Variants in ZFP82 observed in about 807,000 individuals in gnomAD.
ZFP82 encodes ZFP82 zinc finger protein, also known as zinc finger protein 82 homolog.
ZFP82 carries 30 observed loss-of-function variants against 54.0 expected under a neutral mutation model. That is an observed-to-expected ratio of 0.56 (90% confidence interval 0.42 to 0.75). The LOEUF (loss-of-function observed/expected upper bound fraction) is 0.75. Ranked by LOEUF, ZFP82 falls within the 30% of genes least tolerant of loss-of-function variation. ZFP82 has a pLI of 0.00. For missense variants in ZFP82, 500 were observed against 636.8 expected (o/e 0.79, Z 2.31); for synonymous variants, 194 against 209.5 (o/e 0.93, Z 0.64).
rs117804092 is a variant in ZFP82, at chr19:36,407,451, T to C, written c.136+436A>G. Reference sequence around the variant, plus strand: ...TATTAATGAAGGGAATGAGTTCTCTTGAATTGTAAATACATGCTGTTGATC... The same window carrying C: ...TATTAATGAAGGGAATGAGTTCTCTCGAATTGTAAATACATGCTGTTGATC... On this transcript the variant is annotated intron_variant, in intron 3 of 4. Transcript: ENST00000392161. Among the ~76,000 whole-genome samples, 949 of 152,324 alleles carry C rather than the reference T, an allele frequency of 6.2e-3. 3 individuals are homozygous for C. The highest frequency in any genetic ancestry group is 0.01 in the Non-Finnish European group (704 of 68,030).
chr19:36,406,256 T>C (rs1464990263), intron 3 of ZFP82, among the ~76,000 whole-genome samples: 9 of 152,218 alleles, frequency 5.9e-5, no homozygotes, highest in African/African-American at 1.9e-4. Flanking sequence ...TGCTGCAATA[T>C]AATTTATATA....
chr19:36,393,256 C>T lies in ZFP82; in HGVS notation c.1084G>A (p.Gly362Ser). 1 of 1,613,966 alleles carries T rather than the reference C, an allele frequency of 6.2e-7. No individual in the cohort carries two copies. The highest frequency in any genetic ancestry group is 1.1e-5 in the South Asian group (1 of 91,072). Residue 362 changes from glycine (G) to serine (S), a missense_variant, in exon 5 of 5, where the codon GGT becomes AGT. By Grantham distance (56) the Gly-to-Ser change is moderately conservative. Transcript: ENST00000392161. ...TCCTTACATTCATAGGGTTTCTCAC[C>T]AGTATGAATTCTCTGATGGAGTGTT... ...QLTLHQRIHT[G>S]EKPYECKECG...
chr19:36,391,763 G>C lies in ZFP82; in HGVS notation c.*978C>G, dbSNP rs2032203253. 6.6e-6 allele frequency: 1 copy of C among 151,988 alleles called. No individual in the cohort carries two copies. Among genetic ancestry groups the C allele is most frequent in the Admixed American group, 6.6e-5 (1 of 15,264 alleles). The allele number at this position is 151,988 out of a possible 1,614,324, so 9.4% of individuals were successfully genotyped here. On this transcript the variant is annotated 3_prime_UTR_variant, in exon 5 of 5. Coordinates refer to ENST00000392161, the MANE Select transcript of ZFP82 (RefSeq NM_133466.4). ...TTTACAGGCATGGGCCACCTCACCT[G>C]GTCTAGGGTATCTGTTTTTTAATGA...
downstream of ZFP82, among the ~76,000 whole-genome samples, chr19:36,387,145 A>G (rs2032124636): frequency 6.6e-6 from 1 of 152,192 alleles, no homozygotes; most frequent in Admixed American, 6.5e-5. Flanking sequence ...TTGTCTCACA[A>G]TAGCTGATCT....
intron 4 of ZFP82, among the ~76,000 whole-genome samples, chr19:36,397,285 G>A (rs554968457): frequency 6.6e-6 from 1 of 151,914 alleles, no homozygotes; most frequent in African/African-American, 2.4e-5. Context: ...CTAGAGACGG[G>A]TTTCATCATG....
rs1466168625 is a variant in ZFP82, at chr19:36,393,235, T to C, written c.1105A>G (p.Lys369Glu). 6.2e-7 allele frequency: 1 copy of C among 1,614,052 alleles called. No individual in the cohort carries two copies. The highest frequency in any genetic ancestry group is 1.7e-5 in the Admixed American group (1 of 60,000). The change falls in exon 5 of 5, where the codon AAG becomes GAG. Residue 369 changes from lysine to glutamate, a missense_variant. Transcript: ENST00000392161. The stretch of plus-strand genomic sequence containing the variant: ...CGGCTAAAGGTCTTTCCACATTCCT[T>C]ACATTCATAGGGTTTCTCACCAGTA... ...IHTGEKPYEC[K>E]ECGKTFSRGY...
downstream of ZFP82, among the ~76,000 whole-genome samples, chr19:36,388,303 C>T (rs991230199): frequency 6.6e-6 from 1 of 151,982 alleles, no homozygotes; most frequent in Admixed American, 6.6e-5. Context: ...TATTTATCCT[C>T]ATCTAATTTT....
At chr19:36,404,708 C>T (rs752425316) in intron 4 of ZFP82, among the ~76,000 whole-genome samples, 1 of 152,224 alleles carries the variant, frequency 6.6e-6, no homozygotes, top group Admixed American at 6.5e-5. Context: ...ACTTGGCTAA[C>T]ATTCAGCATA....
chr19:36,411,755 C>T (rs1368164817), intron 1 of ZFP82, among the ~76,000 whole-genome samples: 2 of 151,802 alleles, frequency 1.3e-5, no homozygotes, highest in Non-Finnish European at 2.9e-5. Flanking sequence ...AGCCCAGCTA[C>T]CCGGGAGGCT....
At chr19:36,412,261 G>T (rs1490612645) in intron 1 of ZFP82, among the ~76,000 whole-genome samples, 2 of 152,168 alleles carry the variant, frequency 1.3e-5, no homozygotes, top group Non-Finnish European at 2.9e-5. Context: ...GGCATCAATA[G>T]ATATTGATCT....
At chr19:36,405,777 G>A in intron 3 of ZFP82, 105 bp from the exon 4 acceptor site, 2 of 629,168 alleles carry the variant, frequency 3.2e-6, no homozygotes, top group African/African-American at 1.8e-5. Flanking sequence ...TAATTAATAA[G>A]GCAAAACAAA....
At chr19:36,383,361 A>G (rs535802983) in exon 2 of ZFP82, 6 of 152,272 alleles carry the variant, frequency 3.9e-5, no homozygotes, top group South Asian at 2.1e-4. Flanking sequence ...GAAAAACATC[A>G]TATCAATGAG....
intron 1 of ZFP82, among the ~76,000 whole-genome samples, chr19:36,410,513 T>C (rs983120585): frequency 1.3e-4 from 19 of 151,990 alleles, no homozygotes; most frequent in Non-Finnish European, 2.6e-4. Flanking sequence ...CTTGTTTTTG[T>C]TTTTTTGAGA....
rs2032176323 is a variant in ZFP82, at chr19:36,390,363, T to TA, written c.*2377dup. On this transcript the variant is annotated 3_prime_UTR_variant, in exon 5 of 5. Coordinates refer to ENST00000392161, the MANE Select transcript of ZFP82 (RefSeq NM_133466.4). ...TTTTTTTTTTTTGACATGTATTGGT[T>TA]AAAAAACTAGGCCATTACTTCTGCA... is the stretch of plus-strand genomic sequence containing the variant. 6.8e-6 allele frequency: 1 copy of TA among 147,990 alleles called. No individual in the cohort carries two copies. The highest frequency in any genetic ancestry group is 2.1e-4 in the South Asian group (1 of 4,668). The allele number at this position is 147,990 out of a possible 1,614,324, so 9.2% of individuals were successfully genotyped here. A position where few individuals can be genotyped will look rare whatever the true frequency, so the allele number is the denominator to read the frequency against.
At position 36,393,329 on chromosome 19, in the gene ZFP82, G is replaced by A. The variant is rs2032237023; in HGVS notation, c.1011C>T (p.Pro337=). 6.2e-7 allele frequency: 1 copy of A among 1,613,832 alleles called. No homozygotes were observed. Among genetic ancestry groups the A allele is most frequent in the African/African-American group, 1.3e-5 (1 of 74,848 alleles). The change falls in exon 5 of 5, where the codon CCC becomes CCT. Residue 337 remains proline (P), a synonymous_variant. Coordinates refer to ENST00000392161, the MANE Select transcript of ZFP82 (RefSeq NM_133466.4). The part of the protein sequence containing the change: ...VHHKLHTGEK[P]YECKECGKAF... ...CCTTCCCGCATTCCTTACATTCATAGGGTTTCTCACCAGTATGAAGTTTGT... is the reference window on the plus strand; with the variant it reads ...CCTTCCCGCATTCCTTACATTCATAAGGTTTCTCACCAGTATGAAGTTTGT...
rs113181501 is a variant in ZFP82, at chr19:36,410,660, G to A, written c.-78-793C>T. Among the ~76,000 whole-genome samples, 357 of 151,862 alleles carry A rather than the reference G, an allele frequency of 2.4e-3. 4 individuals are homozygous for A. The highest frequency in any genetic ancestry group is 7.3e-3 in the African/African-American group (301 of 41,426). Reference sequence around the variant, plus strand: ...TGGGACTACAGGCACGCACCACCACGCCTGGCTAATTTTTGTATTTTTAGT... The same window carrying A: ...TGGGACTACAGGCACGCACCACCACACCTGGCTAATTTTTGTATTTTTAGT... On this transcript the variant is annotated intron_variant, in intron 1 of 4. Transcript: ENST00000392161.
chr19:36,414,652 G>A (rs56378871), intron 1 of ZFP82, among the ~76,000 whole-genome samples: 24,225 of 151,686 alleles, frequency 0.16, 2,407 homozygotes, highest in Non-Finnish European at 0.22. Flanking sequence ...ATGAGCCACC[G>A]CACCTGGCCT....
chr19:36,408,028 C>T lies in ZFP82; in HGVS notation c.10-15G>A, dbSNP rs766437158. The T allele has an allele frequency of 5.0e-6, 8 of 1,609,522 alleles. No individual in the cohort carries two copies. In the South Asian group the frequency reaches 6.6e-5, roughly 13 times the overall value. The stretch of plus-strand genomic sequence containing the variant: ...ATCACTGATCGCTGAAATGACAAAC[C>T]ACACATTATAAATGAAATGGAAGAA... On this transcript the variant is annotated splice_polypyrimidine_tract_variant and intron_variant, in intron 2 of 4. Transcript: ENST00000392161.
At chr19:36,409,729 T>A (rs2032544630) in intron 2 of ZFP82, 52 bp downstream of exon 2, 1 of 1,598,654 alleles carries the variant, frequency 6.3e-7, no homozygotes, top group Non-Finnish European at 8.6e-7. Flanking sequence ...AATAAAAAAA[T>A]GGTCACAGAA....
Sources: gnomAD v4.1 joint callset for allele counts (sites outside exome capture counted in the v4.1 genomes callset) on GRCh38, gnomAD v4.1.1 for gene constraint, MANE v1.5 for transcripts, NCBI Gene and HGNC (gene_info 2026-07-23, HGNC 2026-07-21) for gene names.